AUTS2: variants seen among roughly 807,000 people sequenced by gnomAD.
AUTS2 encodes the protein activator of transcription and developmental regulator AUTS2, also known as autism susceptibility gene 2 protein.
AUTS2 carries 17 observed loss-of-function variants against 112.4 expected under a neutral mutation model. That is an observed-to-expected ratio of 0.15 (90% CI 0.10 to 0.23). The LOEUF (loss-of-function observed/expected upper bound fraction) is 0.23. Among genes scored for constraint, AUTS2 ranks in the 10% least tolerant of loss-of-function variants. The pLI, the probability that AUTS2 is intolerant of heterozygous loss-of-function variation, is 1.00. For synonymous variants in AUTS2, 751 were observed against 702.7 expected (o/e 1.07, Z -1.09); for missense variants, 1,510 against 1,701.6 (o/e 0.89, Z 1.98).
chr7:70,429,855 TCAC>T (rs1369355795), intron 4 of AUTS2, among the ~76,000 whole-genome samples: 2 of 152,206 alleles, frequency 1.3e-5, no homozygotes, highest in Non-Finnish European at 2.9e-5. Context: ...AAATGGCTCT[TCAC>T]CACAGAAAGC....
chr7:69,871,052 CAG>C (rs891910675), intron 1 of AUTS2, among the ~76,000 whole-genome samples: 1 of 152,100 alleles, frequency 6.6e-6, no homozygotes, highest in Non-Finnish European at 1.5e-5. Flanking sequence ...GAAATGAACT[CAG>C]AGGTTTTTAT....
chr7:70,582,912 A>T (rs1379603814), intron 5 of AUTS2, among the ~76,000 whole-genome samples: 1 of 152,216 alleles, frequency 6.6e-6, no homozygotes. Flanking sequence ...TGAGCTTAGC[A>T]AAAGTATGTC....
At chr7:70,064,257 A>C (rs1802387852) in intron 2 of AUTS2, among the ~76,000 whole-genome samples, 1 of 152,150 alleles carries the variant, frequency 6.6e-6, no homozygotes, top group South Asian at 2.1e-4. Flanking sequence ...CTGTCAGCTA[A>C]ACCTGAATCA....
At chr7:70,051,730 A>G (rs138542436) in intron 2 of AUTS2, among the ~76,000 whole-genome samples, 1 of 152,248 alleles carries the variant, frequency 6.6e-6, no homozygotes, top group East Asian at 1.9e-4. Flanking sequence ...AAAAAAACAG[A>G]TTCACTTGTG....
At chr7:69,737,722 C>G (rs1787094046) in intron 1 of AUTS2, among the ~76,000 whole-genome samples, 2 of 152,154 alleles carry the variant, frequency 1.3e-5, no homozygotes, top group South Asian at 4.1e-4. Context: ...TCTTGTTTTG[C>G]TCATCCATCC....
intron 4 of AUTS2, among the ~76,000 whole-genome samples, chr7:70,344,998 A>G (rs993426899): frequency 2.0e-5 from 3 of 152,218 alleles, no homozygotes; most frequent in African/African-American, 4.8e-5. Flanking sequence ...AGCAGGGTCC[A>G]ATGTGCCTTT....
chr7:70,067,309 T>A (rs1387173900), intron 2 of AUTS2, among the ~76,000 whole-genome samples: 2 of 152,180 alleles, frequency 1.3e-5, no homozygotes, highest in African/African-American at 4.8e-5. Context: ...AAGAATGCAG[T>A]ATACATAATA....
chr7:69,935,849 A>G (rs1239515828), intron 2 of AUTS2, among the ~76,000 whole-genome samples: 3 of 152,200 alleles, frequency 2.0e-5, no homozygotes, highest in East Asian at 1.9e-4. Context: ...GGTTAGAGCC[A>G]TGAGACCCTC....
At chr7:70,002,289 G>C in intron 2 of AUTS2, among the ~76,000 whole-genome samples, 1 of 152,092 alleles carries the variant, frequency 6.6e-6, no homozygotes, top group East Asian at 1.9e-4. Context: ...TGAACAAGTA[G>C]AAAAATATAG....
At chr7:70,402,495 T>C (rs764650379) in intron 4 of AUTS2, among the ~76,000 whole-genome samples, 65 of 152,316 alleles carry the variant, frequency 4.3e-4, no homozygotes, top group Middle Eastern at 3.4e-3. Flanking sequence ...TCGCATTTTC[T>C]TAGTAGAGAC....
At chr7:69,833,237 G>A (rs1050594296) in intron 1 of AUTS2, among the ~76,000 whole-genome samples, 2 of 152,048 alleles carry the variant, frequency 1.3e-5, no homozygotes, top group Non-Finnish European at 2.9e-5. Flanking sequence ...AAGAATCACT[G>A]TTGTATCTGG....
At position 70,469,269 on chromosome 7, in the gene AUTS2, A is replaced by G. The variant is rs142479764; in HGVS notation, c.690+33488A>G. On this transcript the variant is annotated intron_variant, in intron 5 of 18. Transcript: ENST00000342771. ...TGTCAGATGATGGTAAAGAATATGG[A>G]GGAAAAATTTAAAGTCTTAGGAGAT... Among the ~76,000 whole-genome samples, 254 of 152,288 alleles carry G rather than the reference A, an allele frequency of 1.7e-3. 2 individuals carry two copies. The highest frequency in any genetic ancestry group is 5.5e-3 in the African/African-American group (230 of 41,552).
intron 2 of AUTS2, among the ~76,000 whole-genome samples, chr7:69,937,654 G>A (rs183529088): frequency 1.3e-5 from 2 of 152,248 alleles, no homozygotes; most frequent in East Asian, 3.9e-4. Context: ...CAGTTTTCAT[G>A]TCCCTGAGTA....
At chr7:69,744,130 T>C (rs952237904) in intron 1 of AUTS2, among the ~76,000 whole-genome samples, 1 of 152,284 alleles carries the variant, frequency 6.6e-6, no homozygotes, top group Admixed American at 6.5e-5. Flanking sequence ...CATGTTGGCA[T>C]GTATCAGGAG....
intron 2 of AUTS2, among the ~76,000 whole-genome samples, chr7:70,070,592 G>T (rs1472024502): frequency 2.6e-5 from 4 of 151,830 alleles, no homozygotes; most frequent in African/African-American, 7.3e-5. Flanking sequence ...GAGGCTAGGC[G>T]CAGTGGCTTA....
chr7:69,930,700 A>G (rs1405706701), intron 2 of AUTS2, among the ~76,000 whole-genome samples: 1 of 152,036 alleles, frequency 6.6e-6, no homozygotes, highest in Non-Finnish European at 1.5e-5. Context: ...TCAAGACCAT[A>G]ATTTGTCCTT....
intron 4 of AUTS2, among the ~76,000 whole-genome samples, chr7:70,215,870 G>A (rs1383642987): frequency 6.6e-6 from 1 of 152,138 alleles, no homozygotes; most frequent in African/African-American, 2.4e-5. Flanking sequence ...TTACATAAAG[G>A]ATGTCTTCTG....
At chr7:70,052,796 G>A (rs2129559492) in intron 2 of AUTS2, among the ~76,000 whole-genome samples, 1 of 152,280 alleles carries the variant, frequency 6.6e-6, no homozygotes, top group Non-Finnish European at 1.5e-5. Context: ...AGATCCCACA[G>A]TGACTTCTTT....
intron 1 of AUTS2, among the ~76,000 whole-genome samples, chr7:69,808,465 T>G (rs932808830): frequency 6.6e-6 from 1 of 152,214 alleles, no homozygotes; most frequent in Non-Finnish European, 1.5e-5. Flanking sequence ...TTTTCACATG[T>G]TTAGCATTCT....
Sources: gnomAD v4.1 joint callset for allele counts (sites outside exome capture counted in the v4.1 genomes callset) on GRCh38, gnomAD v4.1.1 for gene constraint, MANE v1.5 for transcripts, NCBI Gene and HGNC (gene_info 2026-07-23, HGNC 2026-07-21) for gene names.